Variants in SKAP1 observed in about 807,000 individuals in gnomAD.
SKAP1 encodes src kinase-associated phosphoprotein 1.
A neutral mutation model predicts 58.5 loss-of-function variants in SKAP1; 44 were observed. The ratio of observed to expected loss-of-function variants is 0.75; its 90% confidence interval spans 0.59 to 0.97. The LOEUF (loss-of-function observed/expected upper bound fraction) is 0.97. Among genes scored for constraint, SKAP1 ranks in the 50% least tolerant of loss-of-function variants. The pLI is 0.00. For missense variants in SKAP1, 390 were observed against 435.2 expected, an observed-to-expected ratio of 0.90 and a Z score of 0.92; for synonymous variants, 127 against 149.7, an observed-to-expected ratio of 0.85 and a Z score of 1.11.
chr17:48,328,591 G>C (rs1392230049), intron 4 of SKAP1, among the ~76,000 whole-genome samples: 2 of 151,988 alleles, frequency 1.3e-5, no homozygotes, highest in Non-Finnish European at 2.9e-5. Context: ...GATTTACAGT[G>C]GGTGAATACT....
At chr17:48,192,605 C>A (rs972828109) in intron 4 of SKAP1, among the ~76,000 whole-genome samples, 2 of 152,088 alleles carry the variant, frequency 1.3e-5, no homozygotes, top group African/African-American at 4.8e-5. Context: ...AGACTCCAGG[C>A]CCCAGCGGGG....
intron 4 of SKAP1, among the ~76,000 whole-genome samples, chr17:48,340,296 G>C (rs1389933462): frequency 6.6e-6 from 1 of 152,056 alleles, no homozygotes; most frequent in Non-Finnish European, 1.5e-5. Context: ...CATTAAGAGG[G>C]GGTCTTTTTA....
chr17:48,391,170 A>C (rs12450935), intron 2 of SKAP1, among the ~76,000 whole-genome samples: 50,729 of 152,046 alleles, frequency 0.33, 9,155 homozygotes, highest in African/African-American at 0.47. Context: ...ATGAAAATAT[A>C]AAAGGTATGG....
chr17:48,187,442 T>C (rs986326301), intron 6 of SKAP1, among the ~76,000 whole-genome samples: 2 of 152,246 alleles, frequency 1.3e-5, no homozygotes, highest in African/African-American at 4.8e-5. Flanking sequence ...TAGGGGGTTC[T>C]ATTTCTGGGC....
intron 4 of SKAP1, among the ~76,000 whole-genome samples, chr17:48,274,569 G>A (rs1305701553): frequency 6.6e-6 from 1 of 151,962 alleles, no homozygotes; most frequent in Non-Finnish European, 1.5e-5. Flanking sequence ...GGTGGCAGGC[G>A]CCTGTAATCC....
In SKAP1 at chr17:48,133,488, C is replaced by G. The variant is rs527576679; in HGVS notation, c.*336G>C. On this transcript the variant is annotated 3_prime_UTR_variant, in exon 13 of 13. Coordinates refer to ENST00000336915, the MANE Select transcript of SKAP1 (RefSeq NM_003726.4). ...GTTTATTTGTGCTTTTCAAACCAGC[C>G]AGAACAACCAGTAATGTCCTCCTCC... The G allele has an allele frequency of 6.6e-6, 1 of 152,342 alleles. No individual in the cohort carries two copies. Among genetic ancestry groups the G allele is most frequent in the African/African-American group, 2.4e-5 (1 of 41,562 alleles). 9.4% of individuals were successfully genotyped at this position (152,342 alleles called of 1,614,324 possible).
chr17:48,280,361 T>C (rs1461631807), intron 4 of SKAP1, among the ~76,000 whole-genome samples: 1 of 151,774 alleles, frequency 6.6e-6, no homozygotes, highest in African/African-American at 2.4e-5. Flanking sequence ...TTCCAGCTAC[T>C]TGGGAGGCTG....
intron 9 of SKAP1, among the ~76,000 whole-genome samples, chr17:48,179,602 C>T (rs2064340170): frequency 6.6e-6 from 1 of 152,122 alleles, no homozygotes; most frequent in Non-Finnish European, 1.5e-5. Flanking sequence ...AAGGTTTGGT[C>T]TATCAAGGTA....
intron 4 of SKAP1, among the ~76,000 whole-genome samples, chr17:48,341,565 T>G (rs915029908): frequency 6.6e-6 from 1 of 152,220 alleles, no homozygotes; most frequent in Non-Finnish European, 1.5e-5. Flanking sequence ...TTAAATGTTC[T>G]TTTCAGAAAT....
At chr17:48,182,312 T>C in intron 8 of SKAP1, 82 bp downstream of exon 8, 3 of 1,003,228 alleles carry the variant, frequency 3.0e-6, no homozygotes, top group South Asian at 1.4e-5. Flanking sequence ...AAATACATAC[T>C]GAAGTCTGTA....
At chr17:48,162,429 A>C in intron 11 of SKAP1, 40 bp downstream of exon 11, 1 of 1,432,536 alleles carries the variant, frequency 7.0e-7, no homozygotes, top group Non-Finnish European at 9.8e-7. Context: ...AGAATGAAAA[A>C]ATTGACTTTC....
chr17:48,169,715 A>G (rs2064184957), intron 10 of SKAP1, among the ~76,000 whole-genome samples: 1 of 152,150 alleles, frequency 6.6e-6, no homozygotes, highest in Non-Finnish European at 1.5e-5. Flanking sequence ...GTTTTGCTGG[A>G]TGGATAAGGA....
In SKAP1 at chr17:48,277,499, G is replaced by A. The variant is rs142091645; in HGVS notation, c.280+68406C>T. ...TTCTGAAGATGTTAATTTATTTTTT[G>A]GTTGATTCTGACCATATTCTGTCAT... On this transcript the variant is annotated intron_variant, in intron 4 of 12. Transcript: ENST00000336915. Among the ~76,000 whole-genome samples the A allele has an allele frequency of 2.4e-3, 369 of 152,058 alleles. 2 individuals carry two copies. Among genetic ancestry groups the A allele is most frequent in the African/African-American group, 8.4e-3 (350 of 41,498 alleles).
chr17:48,235,005 G>C (rs2065164364), intron 4 of SKAP1, among the ~76,000 whole-genome samples: 1 of 152,180 alleles, frequency 6.6e-6, no homozygotes, highest in East Asian at 1.9e-4. Context: ...ATTTGTAAAA[G>C]TATCGAACTA....
Position 48,430,067 on chromosome 17 carries a change from G to A in SKAP1, c.46+8C>T, listed in dbSNP as rs2144634826. Reference sequence around the variant, plus strand: ...CAGCACTGGAGGGGGCCTGCGCCAGGGCGTTACCTTCCAGGAGCCAACGGA... The same window carrying A: ...CAGCACTGGAGGGGGCCTGCGCCAGAGCGTTACCTTCCAGGAGCCAACGGA... On this transcript the variant is annotated splice_region_variant and intron_variant, in intron 1 of 12. Transcript: ENST00000336915. 2 of 1,264,782 alleles carry A rather than the reference G, an allele frequency of 1.6e-6. No homozygotes were observed. The highest frequency in any genetic ancestry group is 4.2e-5 in the Admixed American group (1 of 23,912). The allele number at this position is 1,264,782 out of a possible 1,614,324, so 78.3% of individuals were successfully genotyped here.
At chr17:48,429,643 G>A (rs1368479720) in intron 1 of SKAP1, among the ~76,000 whole-genome samples, 2 of 152,184 alleles carry the variant, frequency 1.3e-5, no homozygotes, top group Non-Finnish European at 2.9e-5. Context: ...GCCCCCTGGA[G>A]AGCCTCGGGG....
At chr17:48,255,789 G>A (rs1051462173) in intron 4 of SKAP1, among the ~76,000 whole-genome samples, 5 of 151,974 alleles carry the variant, frequency 3.3e-5, no homozygotes, top group African/African-American at 1.2e-4. Flanking sequence ...GAAGAGATCT[G>A]CAGCCTCAGC....
chr17:48,267,421 A>G (rs2065566001), intron 4 of SKAP1, among the ~76,000 whole-genome samples: 1 of 152,168 alleles, frequency 6.6e-6, no homozygotes, highest in African/African-American at 2.4e-5. Context: ...ACACACTTTA[A>G]TGTTGAATAT....
At chr17:48,147,433 A>G (rs750369324) in intron 11 of SKAP1, among the ~76,000 whole-genome samples, 6 of 152,204 alleles carry the variant, frequency 3.9e-5, no homozygotes, top group Non-Finnish European at 8.8e-5. Flanking sequence ...CTCTACTCCT[A>G]AAATCCAGCT....
Sources: allele counts gnomAD v4.1 joint callset (sites outside exome capture counted in the v4.1 genomes callset), GRCh38; gene constraint gnomAD v4.1.1; transcripts MANE v1.5; gene names NCBI Gene and HGNC (gene_info 2026-07-23, HGNC 2026-07-21).